Variants in GRK5 observed in about 807,000 individuals in gnomAD.
GRK5 encodes G protein-coupled receptor kinase 5.
In GRK5, 40 loss-of-function variants were observed where a neutral mutation model predicts 78.4. That is an observed-to-expected ratio of 0.51 (90% CI 0.40 to 0.66). The LOEUF (loss-of-function observed/expected upper bound fraction) is 0.66. Ranked by LOEUF, GRK5 falls within the 30% of genes least tolerant of loss-of-function variation. The pLI is 0.00. For synonymous variants in GRK5, 289 were observed against 296.8 expected (o/e 0.97, Z 0.27); for missense variants, 598 against 759.9 (o/e 0.79, Z 2.50).
At chr10:119,348,782 G>C (rs972849831) in intron 2 of GRK5, among the ~76,000 whole-genome samples, 1 of 152,190 alleles carries the variant, frequency 6.6e-6, no homozygotes, top group African/African-American at 2.4e-5. Context: ...GGGGGGACCA[G>C]GTGTCCCAAG....
At chr10:119,304,776 G>A (rs755066725) in intron 1 of GRK5, among the ~76,000 whole-genome samples, 1 of 152,206 alleles carries the variant, frequency 6.6e-6, no homozygotes, top group Non-Finnish European at 1.5e-5. Context: ...CATGAGAACC[G>A]ACCCCATGCA....
chr10:119,405,568 C>CA (rs1485350408), intron 4 of GRK5, among the ~76,000 whole-genome samples: 1 of 152,012 alleles, frequency 6.6e-6, no homozygotes, highest in Non-Finnish European at 1.5e-5. Flanking sequence ...TCCCCACCCC[C>CA]ACCCAGGCAC....
At position 119,431,922 on chromosome 10, in the gene GRK5, T is replaced by C. The variant is rs1852828752; in HGVS notation, c.738+395T>C. Among the ~76,000 whole-genome samples, 1 of 152,220 alleles carries C rather than the reference T, an allele frequency of 6.6e-6. No individual in the cohort carries two copies. The highest frequency in any genetic ancestry group is 1.5e-5 in the Non-Finnish European group (1 of 68,036). ...GGACCTTAGTGCCAGCATCCTGGAA[T>C]GGCACTATCAAGTCTGTGTGCATTG... On this transcript the variant is annotated intron_variant, in intron 8 of 15. Transcript: ENST00000392870. This position sits in a 1 kb window ranked among gnomAD's most constrained non-coding sequence, Gnocchi z 4.8.
intron 1 of GRK5, among the ~76,000 whole-genome samples, chr10:119,285,133 C>T (rs1290542459): frequency 6.6e-6 from 1 of 152,134 alleles, no homozygotes; most frequent in African/African-American, 2.4e-5. Flanking sequence ...GTCATCAGAC[C>T]TATACATCAT....
intron 2 of GRK5, among the ~76,000 whole-genome samples, chr10:119,369,655 C>G (rs17608302): frequency 6.6e-6 from 1 of 152,212 alleles, no homozygotes; most frequent in African/African-American, 2.4e-5. Context: ...CTTTTTGCCC[C>G]GGCTCTTAAA....
At chr10:119,322,626 G>A (rs1850605503) in intron 1 of GRK5, among the ~76,000 whole-genome samples, 1 of 152,176 alleles carries the variant, frequency 6.6e-6, no homozygotes, top group Non-Finnish European at 1.5e-5. Context: ...AGACTCCTGG[G>A]TTCCATAGAC....
Position 119,335,175 on chromosome 10 carries a change from T to TCTCTCTCTCTCC in GRK5, c.148+8565_148+8566insTCTCTCTCTCCC, listed in dbSNP as rs1387026472. On this transcript the variant is annotated intron_variant, in intron 2 of 15. Transcript: ENST00000392870. ...CTCTCTCTCTCTCTCTCTCTCTCTC[T>TCTCTCTCTCTCC]CCCCCTCTCCCTCTCCCCCCACCTC... 7.9e-5 allele frequency among the ~76,000 whole-genome samples: 9 copies of TCTCTCTCTCTCC among 113,214 alleles called. 1 individual carries two copies. The highest frequency in any genetic ancestry group is 3.0e-4 in the African/African-American group (8 of 26,252). 74.3% of individuals were successfully genotyped at this position (113,214 alleles called of 152,430 possible).
chr10:119,288,519 A>G (rs759688105), intron 1 of GRK5, among the ~76,000 whole-genome samples: 3 of 152,194 alleles, frequency 2.0e-5, no homozygotes, highest in Non-Finnish European at 4.4e-5. Flanking sequence ...TGAGATGCAG[A>G]TAGGCCAAGC....
chr10:119,251,435 G>C (rs981211478), intron 1 of GRK5, among the ~76,000 whole-genome samples: 2 of 152,208 alleles, frequency 1.3e-5, no homozygotes, highest in Admixed American at 1.3e-4. Flanking sequence ...TCAGAACTTT[G>C]TCTTAAGCCT....
chr10:119,225,953 A>G (rs1393828778), intron 1 of GRK5, among the ~76,000 whole-genome samples: 2 of 150,454 alleles, frequency 1.3e-5, no homozygotes, highest in Admixed American at 6.7e-5. Context: ...GGTTCACGCC[A>G]TTCTCCTGCT....
chr10:119,384,191 A>G (rs1431606733), intron 3 of GRK5, among the ~76,000 whole-genome samples: 1 of 151,992 alleles, frequency 6.6e-6, no homozygotes, highest in Non-Finnish European at 1.5e-5. Flanking sequence ...TCCTCCCCAC[A>G]GTCCCATTTG....
At chr10:119,236,641 ATTTTT>A (rs570264872) in intron 1 of GRK5, among the ~76,000 whole-genome samples, 189 of 148,994 alleles carry the variant, frequency 1.3e-3, no homozygotes, top group African/African-American at 4.5e-3. Flanking sequence ...TCTGCAGTTA[ATTTTT>A]TTCTTTTTTT....
At chr10:119,365,017 T>C (rs1851422979) in intron 2 of GRK5, among the ~76,000 whole-genome samples, 4 of 152,236 alleles carry the variant, frequency 2.6e-5, no homozygotes, top group Admixed American at 2.6e-4. Flanking sequence ...AGGTTTAGCG[T>C]CAGTTACAGA....
At chr10:119,410,049 G>A (rs558996693) in intron 4 of GRK5, among the ~76,000 whole-genome samples, 26 of 152,392 alleles carry the variant, frequency 1.7e-4, no homozygotes, top group African/African-American at 5.5e-4. Context: ...GCGAGCCCCC[G>A]CGTGCGCGGC....
chr10:119,270,614 G>A (rs899857520), intron 1 of GRK5, among the ~76,000 whole-genome samples: 6 of 152,204 alleles, frequency 3.9e-5, no homozygotes, highest in African/African-American at 1.4e-4. Flanking sequence ...TCCATGACAG[G>A]CCCATAAGCT....
At chr10:119,400,506 G>A (rs1852132705) in intron 4 of GRK5, among the ~76,000 whole-genome samples, 1 of 152,128 alleles carries the variant, frequency 6.6e-6, no homozygotes, top group Non-Finnish European at 1.5e-5. Flanking sequence ...GAGTGCACAT[G>A]GCAGCTTCCT....
chr10:119,229,829 G>C (rs1848797110), intron 1 of GRK5, among the ~76,000 whole-genome samples: 1 of 152,174 alleles, frequency 6.6e-6, no homozygotes, highest in Non-Finnish European at 1.5e-5. Flanking sequence ...TGTGAAGGAG[G>C]CTTTATAGAG....
chr10:119,440,433 A>G (rs1423918907), intron 10 of GRK5, among the ~76,000 whole-genome samples: 1 of 151,736 alleles, frequency 6.6e-6, no homozygotes, highest in Non-Finnish European at 1.5e-5. Flanking sequence ...GCTAGAGTGC[A>G]ATGGCGTGAT....
chr10:119,325,858 C>T (rs973219188), intron 1 of GRK5, among the ~76,000 whole-genome samples: 51 of 152,378 alleles, frequency 3.3e-4, no homozygotes, highest in African/African-American at 1.2e-3. Flanking sequence ...ATTACTAGTG[C>T]ACATTCATTG....
Sources: gnomAD v4.1 joint callset for allele counts (sites outside exome capture counted in the v4.1 genomes callset) on GRCh38, gnomAD v4.1.1 for gene constraint, Gnocchi (gnomAD v3.1) non-coding constraint, MANE v1.5 for transcripts, NCBI Gene and HGNC (gene_info 2026-07-23, HGNC 2026-07-21) for gene names.